Variants in ADAMTSL3 observed in about 807,000 individuals in gnomAD.
ADAMTSL3 encodes ADAMTS like 3, also known as ADAMTS-like protein 3.
In ADAMTSL3, 128 loss-of-function variants were observed where a neutral mutation model predicts 201.7. That is an observed-to-expected ratio of 0.63 (90% CI 0.55 to 0.73). ADAMTSL3 has a LOEUF of 0.73. Among genes scored for constraint, ADAMTSL3 ranks in the 30% least tolerant of loss-of-function variants. The probability of loss-of-function intolerance (pLI) is 0.00; values close to 1 mark genes in which losing one functional copy is unlikely to be tolerated. For synonymous variants in ADAMTSL3, 738 were observed against 748.4 expected (o/e 0.99, Z 0.23); for missense variants, 1,990 against 2,119.6 (o/e 0.94, Z 1.20).
intron 3 of ADAMTSL3, among the ~76,000 whole-genome samples, chr15:83,764,151 C>T (rs1051396966): frequency 2.0e-5 from 3 of 152,216 alleles, no homozygotes; most frequent in Non-Finnish European, 4.4e-5. Flanking sequence ...CTCTCCTCCT[C>T]CAGACACTGG....
chr15:83,758,609 C>A (rs1192048056), intron 3 of ADAMTSL3, among the ~76,000 whole-genome samples: 1 of 152,116 alleles, frequency 6.6e-6, no homozygotes, highest in Non-Finnish European at 1.5e-5. Context: ...CTTTACATTT[C>A]CCTAATGGGT....
rs74789177 is a variant in ADAMTSL3 at position 84,016,127 on chromosome 15, C to A, written c.4157-256C>A. Among the ~76,000 whole-genome samples the A allele has an allele frequency of 0.025, 3,794 of 152,218 alleles. 144 individuals are homozygous for A. The highest frequency in any genetic ancestry group is 0.083 in the African/African-American group (3,428 of 41,498). ...TGCTGAATACATTTTTTTCATCTTGCAATTTAGGCTAGAAACCCTGGAAAC... is the reference window on the plus strand; with the variant it reads ...TGCTGAATACATTTTTTTCATCTTGAAATTTAGGCTAGAAACCCTGGAAAC... On this transcript the variant is annotated intron_variant, in intron 24 of 29. Transcript: ENST00000286744.
intron 3 of ADAMTSL3, among the ~76,000 whole-genome samples, chr15:83,727,945 A>C (rs1450656560): frequency 6.6e-6 from 1 of 152,020 alleles, no homozygotes; most frequent in African/African-American, 2.4e-5. Flanking sequence ...TGATCTATCC[A>C]GTGCTGGAAG....
intron 23 of ADAMTSL3, among the ~76,000 whole-genome samples, chr15:83,997,245 G>A (rs2067704100): frequency 6.6e-6 from 1 of 152,164 alleles, no homozygotes. Context: ...AAGAAGAAAA[G>A]TTTGGGGATA....
intron 15 of ADAMTSL3, among the ~76,000 whole-genome samples, chr15:83,905,924 T>G (rs1319130395): frequency 6.6e-6 from 1 of 151,920 alleles, no homozygotes; most frequent in Admixed American, 6.6e-5. Context: ...TATTTTGTAG[T>G]TTTTTTTATG....
intron 3 of ADAMTSL3, among the ~76,000 whole-genome samples, chr15:83,755,850 T>C (rs1307636635): frequency 6.6e-6 from 1 of 152,134 alleles, no homozygotes; most frequent in African/African-American, 2.4e-5. Flanking sequence ...ACCTTCCGCC[T>C]TCCAGGTTCA....
At chr15:83,885,411 TG>T (rs1567213954) in intron 10 of ADAMTSL3, among the ~76,000 whole-genome samples, 199 bp downstream of exon 10, 1 of 151,564 alleles carries the variant, frequency 6.6e-6, no homozygotes, top group Non-Finnish European at 1.5e-5. Context: ...GGTGCAAAAC[TG>T]GATTTGGAAA....
intron 3 of ADAMTSL3, among the ~76,000 whole-genome samples, chr15:83,714,881 CCTTCCTTCCTT>C (rs2061991844): frequency 8.1e-4 from 6 of 7,448 alleles, no homozygotes; most frequent in African/African-American, 1.1e-3. Flanking sequence ...TCCCTCCCTT[CCTTCCTTCCTT>C]CCTTCCTTCC....
chr15:83,947,411 C>T (rs1361380960), intron 19 of ADAMTSL3, among the ~76,000 whole-genome samples: 1 of 152,176 alleles, frequency 6.6e-6, no homozygotes, highest in Non-Finnish European at 1.5e-5. Flanking sequence ...TGCCTTGGTT[C>T]CTTAGATCTG....
chr15:83,970,713 A>G, intron 20 of ADAMTSL3, 76 bp downstream of exon 20: 2 of 1,548,374 alleles, frequency 1.3e-6, no homozygotes, highest in South Asian at 2.4e-5. Flanking sequence ...TATTTTCCAT[A>G]CGTCAACAGA....
intron 26 of ADAMTSL3, among the ~76,000 whole-genome samples, chr15:84,021,843 T>G (rs1250301148): frequency 6.6e-6 from 1 of 152,194 alleles, no homozygotes; most frequent in African/African-American, 2.4e-5. Context: ...ATGGTGATAG[T>G]CTGATTTTAG....
At position 83,819,987 on chromosome 15, in the gene ADAMTSL3, A is replaced by G; in HGVS notation, c.540A>G (p.Val180=). 1 of 1,614,136 alleles carries G rather than the reference A, an allele frequency of 6.2e-7. No individual in the cohort carries two copies. Among genetic ancestry groups the G allele is most frequent in the Non-Finnish European group, 8.5e-7 (1 of 1,180,018 alleles). The change falls in exon 6 of 30, where the codon GTA becomes GTG. Residue 180 remains valine, a synonymous_variant. Transcript: ENST00000286744. ...TGGTGGTGGAGCTGGCACCTAAGGT[A>G]CTGGATGGAACTCGTTGCAACACGG... ...QNLVVELAPK[V]LDGTRCNTDS...
In ADAMTSL3 at chr15:83,773,662, C is replaced by T. The variant is rs1411607775; in HGVS notation, c.317+12C>T. 6.2e-7 allele frequency: 1 copy of T among 1,603,574 alleles called. No homozygotes were observed. The highest frequency in any genetic ancestry group is 8.5e-7 in the Non-Finnish European group (1 of 1,176,596). The stretch of plus-strand genomic sequence containing the variant: ...TGTTTGACTGGAAGGTTAGTGGTGG[C>T]TTCACTTGCTCCTGCATGTGGAATG... On this transcript the variant is annotated intron_variant, in intron 4 of 29. Coordinates refer to ENST00000286744, the MANE Select transcript of ADAMTSL3 (RefSeq NM_207517.3).
intron 7 of ADAMTSL3, among the ~76,000 whole-genome samples, chr15:83,846,654 C>T (rs976918045): frequency 6.6e-6 from 1 of 152,184 alleles, no homozygotes; most frequent in Non-Finnish European, 1.5e-5. Context: ...CCTCAGGCCC[C>T]ACCCTAGAAT....
chr15:83,840,256 A>C (rs1284590712), intron 7 of ADAMTSL3, among the ~76,000 whole-genome samples: 1 of 152,182 alleles, frequency 6.6e-6, no homozygotes, highest in East Asian at 1.9e-4. Flanking sequence ...TTCAAAAATG[A>C]GATGGGGGTG....
At chr15:83,700,845 TA>T (rs1400369967) in intron 2 of ADAMTSL3, among the ~76,000 whole-genome samples, 1 of 152,222 alleles carries the variant, frequency 6.6e-6, no homozygotes, top group Non-Finnish European at 1.5e-5. Flanking sequence ...ATCTCTCACA[TA>T]AATGAAATTT....
At chr15:83,852,188 C>T (rs1246173512) in intron 7 of ADAMTSL3, among the ~76,000 whole-genome samples, 1 of 122,820 alleles carries the variant, frequency 8.1e-6, no homozygotes, top group East Asian at 4.4e-4. Context: ...TCTCGGCTCA[C>T]TATGACCCCC....
chr15:83,875,872 T>C (rs1328549943), intron 9 of ADAMTSL3, among the ~76,000 whole-genome samples: 1 of 152,130 alleles, frequency 6.6e-6, no homozygotes, highest in East Asian at 1.9e-4. Flanking sequence ...AGAACAAAAT[T>C]GAGTGTCTGT....
chr15:83,863,266 A>G (rs1394095049), intron 8 of ADAMTSL3, among the ~76,000 whole-genome samples: 2 of 152,174 alleles, frequency 1.3e-5, no homozygotes, highest in Non-Finnish European at 2.9e-5. Flanking sequence ...TGCACCAAGC[A>G]GACCTAATAG....
Sources: gnomAD v4.1 joint callset for allele counts (sites outside exome capture counted in the v4.1 genomes callset) on GRCh38, gnomAD v4.1.1 for gene constraint, MANE v1.5 for transcripts, NCBI Gene and HGNC (gene_info 2026-07-23, HGNC 2026-07-21) for gene names.